FBXO22: variants seen among roughly 807,000 people sequenced by gnomAD.
FBXO22 encodes the protein F-box protein 22, also known as F-box only protein 22.
In FBXO22, 13 loss-of-function variants were observed where a neutral mutation model predicts 37.2. The ratio of observed to expected loss-of-function variants is 0.35; its 90% CI spans 0.23 to 0.56. FBXO22 has a LOEUF of 0.56. Ranked by LOEUF, FBXO22 falls within the 20% of genes least tolerant of loss-of-function variation. The pLI is 0.87. For missense variants in FBXO22, 446 were observed against 509.9 expected (o/e 0.87, Z 1.21); for synonymous variants, 189 against 189.1 (o/e 1.00, Z 0.00).
chr15:75,930,768 C>T, intron 6 of FBXO22: 2 of 985,284 alleles, frequency 2.0e-6, no homozygotes, highest in Non-Finnish European at 2.4e-6. Context: ...AAAATCAGAC[C>T]CTACCCCACC....
In FBXO22 at chr15:75,942,161, G is replaced by A. The variant is rs1399894099; in HGVS notation, c.*9059G>A. On this transcript the variant is annotated 3_prime_UTR_variant, in exon 7 of 7. Transcript: ENST00000308275. Reference sequence around the variant, plus strand: ...TGGTTGCCAGAGGTTCAGTGGGAGAGAGGGAGGGGTAAATACATGGAGTAG... The same window carrying A: ...TGGTTGCCAGAGGTTCAGTGGGAGAAAGGGAGGGGTAAATACATGGAGTAG... 1 of 152,024 alleles carries A rather than the reference G, an allele frequency of 6.6e-6. No individual in the cohort carries two copies. 9.4% of individuals were successfully genotyped at this position (152,024 alleles called of 1,614,324 possible).
Position 75,932,980 on chromosome 15 carries a change from G to A in FBXO22, c.1090G>A (p.Gly364Arg). The A allele has an allele frequency of 1.2e-6, 2 of 1,614,166 alleles. No homozygotes were observed. Among genetic ancestry groups the A allele is most frequent in the Non-Finnish European group, 1.7e-6 (2 of 1,180,022 alleles). Residue 364 changes from glycine to arginine, a missense_variant, in exon 7 of 7, where the codon GGA (glycine) becomes AGA (arginine). By Grantham distance (125) the Gly-to-Arg change is moderately radical. This residue lies in a region of FBXO22 where 315 missense variants were observed against 410.1 expected (regional missense o/e 0.77). Transcript: ENST00000308275. Reference sequence around the variant, plus strand: ...CGGCTTCTTTGGAAATGGAGAAATTGGATGTGATCGGATAGTCACTGGGAA... The same window carrying A: ...CGGCTTCTTTGGAAATGGAGAAATTAGATGTGATCGGATAGTCACTGGGAA... ...LFGFFGNGEI[G>R]CDRIVTGNFI...
rs1211813620 is a variant in FBXO22 at position 75,936,861 on chromosome 15, C to CCGTGCCCAG, written c.*3761_*3769dup. ...GTGCTGGGATTACAGGCGTGAGCCA[C>CCGTGCCCAG]CGTGCCCAGCTGGAAACTTTCATTT... is the stretch of plus-strand genomic sequence containing the variant. On this transcript the variant is annotated 3_prime_UTR_variant, in exon 7 of 7. Coordinates refer to ENST00000308275, the MANE Select transcript of FBXO22 (RefSeq NM_147188.3). 6.6e-6 allele frequency: 1 copy of CCGTGCCCAG among 152,148 alleles called. No homozygotes were observed. Among genetic ancestry groups the CCGTGCCCAG allele is most frequent in the Non-Finnish European group, 1.5e-5 (1 of 68,040 alleles). 9.4% of individuals were successfully genotyped at this position (152,148 alleles called of 1,614,324 possible). A position where few individuals can be genotyped will look rare whatever the true frequency, so the allele number is the denominator to read the frequency against.
intron 2 of FBXO22, 88 bp from the exon 3 acceptor site, chr15:75,913,115 C>A: frequency 1.2e-6 from 1 of 805,386 alleles, no homozygotes; most frequent in South Asian, 1.6e-5. Flanking sequence ...TTTGATTGCA[C>A]TATGGACTGG....
chr15:75,910,851 T>C (rs940182699), intron 2 of FBXO22, among the ~76,000 whole-genome samples: 22 of 152,392 alleles, frequency 1.4e-4, no homozygotes, highest in African/African-American at 5.3e-4. Flanking sequence ...GCCTATGTCC[T>C]GAATGGTATT....
chr15:75,939,380 AAATCTC>A lies in FBXO22; in HGVS notation c.*6282_*6287del, dbSNP rs1314923650. ...CTGCTGAACTATGAAAAAAATTTAA[AAATCTC>A]AATAGAACTATAACCAGTAAGGTAA... On this transcript the variant is annotated 3_prime_UTR_variant, in exon 7 of 7. Coordinates refer to ENST00000308275, the MANE Select transcript of FBXO22 (RefSeq NM_147188.3). 6.6e-6 allele frequency: 1 copy of A among 152,182 alleles called. No homozygotes were observed. Among genetic ancestry groups the A allele is most frequent in the African/African-American group, 2.4e-5 (1 of 41,458 alleles). The allele number at this position is 152,182 out of a possible 1,614,324, so 9.4% of individuals were successfully genotyped here.
rs777108746 is a variant in FBXO22 at position 75,930,042 on chromosome 15, T to C, written c.787T>C (p.Ser263Pro). 6.2e-7 allele frequency: 1 copy of C among 1,614,036 alleles called. No individual in the cohort carries two copies. Among genetic ancestry groups the C allele is most frequent in the Non-Finnish European group, 8.5e-7 (1 of 1,179,908 alleles). Residue 263 changes from serine to proline, a missense_variant, in exon 6 of 7, where the codon TCT (serine) becomes CCT (proline). By Grantham distance (74) the Ser-to-Pro change is moderately conservative. Around this residue, in one of 2 missense-constraint regions of FBXO22, gnomAD observed 315 missense variants for 410.1 expected, o/e 0.77. Coordinates refer to ENST00000308275, the MANE Select transcript of FBXO22 (RefSeq NM_147188.3). ...GGTGGACAACCTGTCATCACTGACT[T>C]CTGAAAAGTATGTCTTGTGTGCTTC... Reference protein sequence around the residue: ...GQVDNLSSLTSEKNPLDIDAS... With the variant: ...GQVDNLSSLTPEKNPLDIDAS...
intron 4 of FBXO22, among the ~76,000 whole-genome samples, chr15:75,915,212 C>T (rs1316486961): frequency 6.6e-6 from 1 of 152,072 alleles, no homozygotes; most frequent in Non-Finnish European, 1.5e-5. Context: ...CTCAGGTGAT[C>T]CACCGCCTCA....
intron 5 of FBXO22, among the ~76,000 whole-genome samples, chr15:75,925,675 TAA>T (rs371276673): frequency 1.3e-4 from 18 of 137,432 alleles, no homozygotes; most frequent in African/African-American, 1.4e-4. Flanking sequence ...AAGCTAGTGT[TAA>T]AAAAAAAAAA....
rs946688124 is a variant in FBXO22 at position 75,920,720 on chromosome 15, G to A, written c.628+3326G>A. 1.2e-4 allele frequency among the ~76,000 whole-genome samples: 18 copies of A among 152,234 alleles called. No individual in the cohort carries two copies. The South Asian group carries it at 3.7e-3, about 32-fold the overall frequency. ...CACCTGTAGTCCCAGCTACTTAGGAGGCTGAGGTGGGAGGATTGCTTGAGC... is the reference window on the plus strand; with the variant it reads ...CACCTGTAGTCCCAGCTACTTAGGAAGCTGAGGTGGGAGGATTGCTTGAGC... On this transcript the variant is annotated intron_variant, in intron 5 of 6. Coordinates refer to ENST00000308275, the MANE Select transcript of FBXO22 (RefSeq NM_147188.3).
chr15:75,932,925 T>C lies in FBXO22; in HGVS notation c.1035T>C (p.Phe345=). The C allele has an allele frequency of 6.2e-7, 1 of 1,614,268 alleles. No homozygotes were observed. The highest frequency in any genetic ancestry group is 8.5e-7 in the Non-Finnish European group (1 of 1,180,036). ...AGGGGAATGTTGAGGCTGATGCATT[T>C]AGAAAGTTTTTTCCTAGTGTTCCCT... ...RAKGNVEADA[F]RKFFPSVPLF... The change falls in exon 7 of 7, where the codon TTT becomes TTC. Residue 345 remains phenylalanine (F), a synonymous_variant. Coordinates refer to ENST00000308275, the MANE Select transcript of FBXO22 (RefSeq NM_147188.3).
intron 1 of FBXO22, 121 bp downstream of exon 1, chr15:75,904,224 C>T: frequency 7.4e-7 from 1 of 1,357,732 alleles, no homozygotes; most frequent in African/African-American, 1.5e-5. Context: ...GCTCGCTCGC[C>T]CTACCTGAGG....
In FBXO22 at chr15:75,935,540, A is replaced by G. The variant is rs1413691341; in HGVS notation, c.*2438A>G. 2.0e-5 allele frequency: 3 copies of G among 151,710 alleles called. No individual in the cohort carries two copies. The highest frequency in any genetic ancestry group is 2.9e-5 in the Non-Finnish European group (2 of 67,984). 9.4% of individuals were successfully genotyped at this position (151,710 alleles called of 1,614,324 possible). Reference sequence around the variant, plus strand: ...ATTTCCATGCCCTTTGATCCAAGTAAAATCTAAGGAAGAGGGAAAGTAAAC... The same window carrying G: ...ATTTCCATGCCCTTTGATCCAAGTAGAATCTAAGGAAGAGGGAAAGTAAAC... On this transcript the variant is annotated 3_prime_UTR_variant, in exon 7 of 7. Coordinates refer to ENST00000308275, the MANE Select transcript of FBXO22 (RefSeq NM_147188.3).
At chr15:75,916,055 C>CAAAAA (rs10591372) in intron 4 of FBXO22, among the ~76,000 whole-genome samples, 1 of 61,032 alleles carries the variant, frequency 1.6e-5, no homozygotes, top group African/African-American at 6.8e-5. Flanking sequence ...ACTCTGTCTC[C>CAAAAA]AAAAAAAAAA....
chr15:75,940,631 T>G lies in FBXO22; in HGVS notation c.*7529T>G, dbSNP rs1261339980. 6.6e-6 allele frequency: 1 copy of G among 152,078 alleles called. No individual in the cohort carries two copies. Among genetic ancestry groups the G allele is most frequent in the East Asian group, 1.9e-4 (1 of 5,200 alleles). 9.4% of individuals were successfully genotyped at this position (152,078 alleles called of 1,614,324 possible). On this transcript the variant is annotated 3_prime_UTR_variant, in exon 7 of 7. Transcript: ENST00000308275. ...TAATCAAAACAATGTGATTCTGGCA[T>G]AAAGGCAGACGGATAGACCAATGGG...
In FBXO22 at chr15:75,935,355, G is replaced by A. The variant is rs2030243653; in HGVS notation, c.*2253G>A. The A allele has an allele frequency of 6.6e-6, 1 of 152,068 alleles. No individual in the cohort carries two copies. The highest frequency in any genetic ancestry group is 2.4e-5 in the African/African-American group (1 of 41,396). 9.4% of individuals were successfully genotyped at this position (152,068 alleles called of 1,614,324 possible). ...AAAAATGTGAGCATAAAAAAGAGAAGTAAAGGTGTACCATTAGCCTACATA... is the reference window on the plus strand; with the variant it reads ...AAAAATGTGAGCATAAAAAAGAGAAATAAAGGTGTACCATTAGCCTACATA... On this transcript the variant is annotated 3_prime_UTR_variant, in exon 7 of 7. Coordinates refer to ENST00000308275, the MANE Select transcript of FBXO22 (RefSeq NM_147188.3).
intron 4 of FBXO22, among the ~76,000 whole-genome samples, chr15:75,916,338 C>T (rs1337469771): frequency 2.0e-5 from 3 of 152,162 alleles, no homozygotes; most frequent in Non-Finnish European, 4.4e-5. Flanking sequence ...TATTTTCTCA[C>T]AGTTTGGGAG....
Position 75,942,250 on chromosome 15 carries a change from A to G in FBXO22, c.*9148A>G, listed in dbSNP as rs1400092043. 1 of 152,162 alleles carries G rather than the reference A, an allele frequency of 6.6e-6. No homozygotes were observed. Among genetic ancestry groups the G allele is most frequent in the Non-Finnish European group, 1.5e-5 (1 of 68,044 alleles). The allele number at this position is 152,162 out of a possible 1,614,324, so 9.4% of individuals were successfully genotyped here. ...TAATAGTGGATACATGACATTATAT[A>G]TTGGTCAAAATCCATAAAGACATAC... On this transcript the variant is annotated 3_prime_UTR_variant, in exon 7 of 7. Coordinates refer to ENST00000308275, the MANE Select transcript of FBXO22 (RefSeq NM_147188.3).
At chr15:75,915,222 A>G (rs778272876) in intron 4 of FBXO22, among the ~76,000 whole-genome samples, 19 of 152,000 alleles carry the variant, frequency 1.3e-4, no homozygotes, top group Non-Finnish European at 2.1e-4. Flanking sequence ...CCACCGCCTC[A>G]GCCTCCCAAA....
Sources: allele counts gnomAD v4.1 joint callset (sites outside exome capture counted in the v4.1 genomes callset), GRCh38; gene constraint gnomAD v4.1.1; regional missense constraint gnomAD v4.1.1; transcripts MANE v1.5; gene names NCBI Gene and HGNC (gene_info 2026-07-23, HGNC 2026-07-21).